The following SORCS1 variants were observed in gnomAD, a reference collection of about 807,000 sequenced individuals.
The protein encoded by SORCS1 is sortilin related VPS10 domain containing receptor 1.
SORCS1 carries 60 observed loss-of-function variants against 146.1 expected under a neutral mutation model. The ratio of observed to expected loss-of-function variants is 0.41; its 90% CI spans 0.33 to 0.51. The LOEUF is 0.51. Among genes scored for constraint, SORCS1 ranks in the 20% least tolerant of loss-of-function variants. SORCS1 has a pLI of 0.21. For missense variants in SORCS1, 1,352 were observed against 1,487.6 expected (o/e 0.91, Z 1.50); for synonymous variants, 637 against 584.0 (o/e 1.09, Z -1.31).
At chr10:106,811,306 C>T (rs1437321337) in intron 3 of SORCS1, among the ~76,000 whole-genome samples, 1 of 152,168 alleles carries the variant, frequency 6.6e-6, no homozygotes. Flanking sequence ...TTTATCCTTG[C>T]ATCACCAACA....
rs960374261 is a variant in SORCS1 at position 106,907,654 on chromosome 10, C to A, written c.626+48859G>T. On this transcript the variant is annotated intron_variant, in intron 2 of 25. Transcript: ENST00000263054. ...TAAAAAATTATGTCACGGTTAGGTGCGGTGGCTCACACCTGTAATCCCAAC... is the reference window on the plus strand; with the variant it reads ...TAAAAAATTATGTCACGGTTAGGTGAGGTGGCTCACACCTGTAATCCCAAC... 2.6e-5 allele frequency among the ~76,000 whole-genome samples: 4 copies of A among 151,990 alleles called. No homozygotes were observed. The East Asian group carries it at 7.7e-4, about 29-fold the overall frequency.
chr10:106,922,060 A>G (rs1952737236), intron 2 of SORCS1, among the ~76,000 whole-genome samples: 1 of 152,234 alleles, frequency 6.6e-6, no homozygotes, highest in South Asian at 2.1e-4. Flanking sequence ...CAAAAATCTG[A>G]AAATGCCACT....
chr10:107,068,731 G>A (rs371714255), intron 1 of SORCS1, among the ~76,000 whole-genome samples: 14 of 152,248 alleles, frequency 9.2e-5, no homozygotes, highest in African/African-American at 2.9e-4. Flanking sequence ...TTAGCTGGGC[G>A]TGGTGGTGGG....
intron 2 of SORCS1, among the ~76,000 whole-genome samples, chr10:106,878,427 A>G (rs1225135917): frequency 6.6e-6 from 1 of 151,422 alleles, no homozygotes; most frequent in African/African-American, 2.4e-5. Context: ...TGATTAGGTT[A>G]TAAGGGCAGA....
rs889986097 is a variant in SORCS1, at chr10:106,677,218, C to T, written c.1832+95G>A. 11 of 1,190,168 alleles carry T rather than the reference C, an allele frequency of 9.2e-6. No homozygotes were observed. In the East Asian group the frequency reaches 9.5e-5, roughly 10 times the overall value. 73.7% of individuals were successfully genotyped at this position (1,190,168 alleles called of 1,614,324 possible). ...CGGCATTTTGGTAACAGATTTACTA[C>T]AGAAACAGACACGGTTTGATAGCCT... On this transcript the variant is annotated intron_variant, in intron 13 of 25. Transcript: ENST00000263054.
At chr10:106,929,969 G>A (rs1332039884) in intron 2 of SORCS1, among the ~76,000 whole-genome samples, 7 of 152,168 alleles carry the variant, frequency 4.6e-5, no homozygotes, top group South Asian at 2.1e-4. Context: ...AATGATGGCC[G>A]GGCGCAGTGG....
intron 5 of SORCS1, among the ~76,000 whole-genome samples, chr10:106,745,327 G>A (rs1857645364): frequency 6.6e-6 from 1 of 151,766 alleles, no homozygotes; most frequent in Non-Finnish European, 1.5e-5. Context: ...CAGGAGAATG[G>A]GTGAACCTGG....
At chr10:107,077,251 A>G (rs568380537) in intron 1 of SORCS1, among the ~76,000 whole-genome samples, 3 of 152,270 alleles carry the variant, frequency 2.0e-5, no homozygotes, top group African/African-American at 7.2e-5. Context: ...TTAAGTAATC[A>G]AATCCTCAAC....
chr10:107,115,980 G>A (rs1966014192), intron 1 of SORCS1, among the ~76,000 whole-genome samples: 1 of 151,978 alleles, frequency 6.6e-6, no homozygotes, highest in Non-Finnish European at 1.5e-5. Context: ...CATATAAATG[G>A]CTATTTGTAT....
chr10:106,816,101 C>T (rs1947730868), intron 3 of SORCS1, among the ~76,000 whole-genome samples: 1 of 152,112 alleles, frequency 6.6e-6, no homozygotes, highest in Non-Finnish European at 1.5e-5. Flanking sequence ...GGTTCGAATC[C>T]CATTAAAATG....
chr10:106,992,235 T>C (rs1956798329), intron 1 of SORCS1, among the ~76,000 whole-genome samples: 1 of 152,130 alleles, frequency 6.6e-6, no homozygotes, highest in Non-Finnish European at 1.5e-5. Context: ...CTGACTTCCG[T>C]ATATTCGTCC....
At chr10:106,579,326 G>T (rs1177975929) in intron 25 of SORCS1, 43 bp downstream of exon 25, 1 of 1,614,030 alleles carries the variant, frequency 6.2e-7, no homozygotes, top group Non-Finnish European at 8.5e-7. Flanking sequence ...CAGGGAGAAG[G>T]AAGAGGTCAG....
intron 2 of SORCS1, among the ~76,000 whole-genome samples, chr10:106,861,355 G>A (rs1449881524): frequency 2.7e-5 from 4 of 147,322 alleles, no homozygotes; most frequent in South Asian, 4.3e-4. Context: ...AGCCAAGATC[G>A]CACCACTGCA....
chr10:106,960,491 G>A lies in SORCS1; in HGVS notation c.559-3911C>T, dbSNP rs1368461236. ...GTGATCTCGGCTCACTGCAACCTCC[G>A]CCTCACAGGTTCAAGCAATTCTCCT... On this transcript the variant is annotated intron_variant, in intron 1 of 25. Transcript: ENST00000263054. The surrounding 1 kb of genome is among the most constrained non-coding windows in gnomAD (Gnocchi z 4.4). Among the ~76,000 whole-genome samples, 26 of 151,246 alleles carry A rather than the reference G, an allele frequency of 1.7e-4. No homozygotes were observed. Among genetic ancestry groups the A allele is most frequent in the African/African-American group, 6.1e-4 (25 of 41,078 alleles).
chr10:106,687,315 A>G (rs945867131), intron 10 of SORCS1, among the ~76,000 whole-genome samples: 2 of 152,214 alleles, frequency 1.3e-5, no homozygotes, highest in East Asian at 1.9e-4. Context: ...ATGCCATCAT[A>G]TATCAAATAT....
At chr10:107,091,869 C>T (rs1362896975) in intron 1 of SORCS1, among the ~76,000 whole-genome samples, 1 of 152,120 alleles carries the variant, frequency 6.6e-6, no homozygotes, top group Non-Finnish European at 1.5e-5. Context: ...CAAGTAGCTG[C>T]CACACAGTTT....
intron 1 of SORCS1, among the ~76,000 whole-genome samples, chr10:107,056,820 A>G (rs1450440802): frequency 6.6e-6 from 1 of 152,236 alleles, no homozygotes; most frequent in African/African-American, 2.4e-5. Context: ...TTTTACAGTA[A>G]ATAACCCTAA....
chr10:106,705,950 T>G (rs939682300), intron 8 of SORCS1, among the ~76,000 whole-genome samples: 2 of 152,116 alleles, frequency 1.3e-5, no homozygotes, highest in Non-Finnish European at 2.9e-5. Context: ...TACAGGGAGC[T>G]GACTGGCTGA....
intron 1 of SORCS1, among the ~76,000 whole-genome samples, chr10:106,987,608 A>G (rs373566290): frequency 6.6e-6 from 1 of 152,144 alleles, no homozygotes; most frequent in East Asian, 1.9e-4. Context: ...CTGTATAAAC[A>G]TAGTTCCCGC....
Sources: allele counts gnomAD v4.1 joint callset (sites outside exome capture counted in the v4.1 genomes callset), GRCh38; gene constraint gnomAD v4.1.1; non-coding constraint Gnocchi (gnomAD v3.1); transcripts MANE v1.5; gene names NCBI Gene and HGNC (gene_info 2026-07-23, HGNC 2026-07-21).